The following CALN1 variants were observed in gnomAD, a reference collection of about 807,000 sequenced individuals.
CALN1 encodes calneuron 1.
Under a neutral mutation model 30.6 loss-of-function variants are expected in CALN1, and 17 were observed. The observed-to-expected ratio is 0.56, with a 90% confidence interval of 0.38 to 0.83. The LOEUF is 0.83. Ranked by LOEUF, CALN1 falls within the 40% of genes least tolerant of loss-of-function variation. The probability of loss-of-function intolerance (pLI) is 0.00; values close to 1 mark genes in which losing one functional copy is unlikely to be tolerated. For synonymous variants in CALN1, 156 were observed against 131.4 expected (o/e 1.19, Z -1.28); for missense variants, 291 against 354.9 (o/e 0.82, Z 1.45).
intron 5 of CALN1, among the ~76,000 whole-genome samples, chr7:72,022,311 A>C (rs1035704472): frequency 1.3e-5 from 2 of 152,210 alleles, no homozygotes; most frequent in Non-Finnish European, 2.9e-5. Context: ...TGCTTCAAGG[A>C]GTTACAGTCT....
At chr7:72,320,926 T>C (rs147661522) in intron 2 of CALN1, among the ~76,000 whole-genome samples, 11 of 150,618 alleles carry the variant, frequency 7.3e-5, no homozygotes, top group African/African-American at 2.7e-4. Context: ...CCAAACTCAC[T>C]AGTCCACAGC....
chr7:72,117,540 TC>T (rs2129541973), intron 3 of CALN1, among the ~76,000 whole-genome samples: 1 of 152,228 alleles, frequency 6.6e-6, no homozygotes, highest in South Asian at 2.1e-4. Context: ...GTGTGTGACC[TC>T]CCTTCCCATC....
chr7:71,877,695 A>C (rs1203680114), intron 5 of CALN1, among the ~76,000 whole-genome samples: 1 of 120,494 alleles, frequency 8.3e-6, no homozygotes, highest in African/African-American at 3.5e-5. Flanking sequence ...ATAAACACTT[A>C]ATGTCACAAA....
chr7:72,158,744 T>C (rs1386309256), intron 3 of CALN1, among the ~76,000 whole-genome samples: 1 of 152,214 alleles, frequency 6.6e-6, no homozygotes, highest in Admixed American at 6.5e-5. Flanking sequence ...TTAAGGGTAG[T>C]GGAGCGAGTA....
chr7:72,395,346 T>G (rs1041621704), intron 2 of CALN1, among the ~76,000 whole-genome samples: 3 of 105,544 alleles, frequency 2.8e-5, no homozygotes, highest in Non-Finnish European at 5.8e-5. Flanking sequence ...ACACACACGC[T>G]GCGCACGCGC....
chr7:71,972,479 G>A (rs1018424786), intron 5 of CALN1, among the ~76,000 whole-genome samples: 1 of 152,138 alleles, frequency 6.6e-6, no homozygotes, highest in Non-Finnish European at 1.5e-5. Context: ...CATCTGCTAA[G>A]AGAGCGTGCA....
chr7:72,378,545 A>C (rs1804700022), intron 2 of CALN1, among the ~76,000 whole-genome samples: 1 of 152,136 alleles, frequency 6.6e-6, no homozygotes, highest in South Asian at 2.1e-4. Context: ...CTAGTTAATC[A>C]CTTCAAGTAG....
At chr7:71,858,905 C>T (rs973722088) in intron 5 of CALN1, among the ~76,000 whole-genome samples, 10 of 152,144 alleles carry the variant, frequency 6.6e-5, no homozygotes, top group Admixed American at 4.6e-4. Flanking sequence ...GGCTGTGTCA[C>T]GGGCACGTCC....
At chr7:71,870,735 C>G (rs1268230857) in intron 5 of CALN1, among the ~76,000 whole-genome samples, 1 of 152,136 alleles carries the variant, frequency 6.6e-6, no homozygotes, top group Admixed American at 6.6e-5. Context: ...GAAAATGGAT[C>G]AAGGATGATG....
Position 72,403,402 on chromosome 7 carries a change from T to G in CALN1, c.-33A>C, listed in dbSNP as rs761838664. The G allele has an allele frequency of 9.7e-5, 146 of 1,508,714 alleles. 2 individuals carry two copies. The highest frequency in any genetic ancestry group is 1.5e-5 in the Non-Finnish European group (17 of 1,121,270). The allele number at this position is 1,508,714 out of a possible 1,614,324, so 93.5% of individuals were successfully genotyped here. ...CCAGGGCGATGTTCTCAGAGAGAGTTAGAAGCTCATCAAAGGAACGTCAGC... is the reference window on the plus strand; with the variant it reads ...CCAGGGCGATGTTCTCAGAGAGAGTGAGAAGCTCATCAAAGGAACGTCAGC... On this transcript the variant is annotated 5_prime_UTR_variant, in exon 2 of 7. The change abolishes the stop of an existing upstream ORF in the 5' untranslated region. Transcript: ENST00000395275.
At chr7:71,919,819 T>TGGTAA (rs1794847725) in intron 5 of CALN1, among the ~76,000 whole-genome samples, 1 of 152,160 alleles carries the variant, frequency 6.6e-6, no homozygotes, top group African/African-American at 2.4e-5. Flanking sequence ...TTACCAGTGG[T>TGGTAA]CCGCGAGGAC....
intron 3 of CALN1, among the ~76,000 whole-genome samples, chr7:72,182,978 C>G (rs1337316527): frequency 6.6e-6 from 1 of 152,048 alleles, no homozygotes; most frequent in Non-Finnish European, 1.5e-5. Context: ...TACGTGTGGT[C>G]AACACCAGAA....
At chr7:72,277,905 A>G (rs1181567272) in intron 3 of CALN1, among the ~76,000 whole-genome samples, 1 of 151,794 alleles carries the variant, frequency 6.6e-6, no homozygotes, top group Admixed American at 6.6e-5. Context: ...ATTACAAACA[A>G]CAAAGTATTC....
At chr7:72,300,429 A>T (rs1351958456) in intron 2 of CALN1, among the ~76,000 whole-genome samples, 2 of 151,160 alleles carry the variant, frequency 1.3e-5, no homozygotes, top group African/African-American at 4.9e-5. Flanking sequence ...AAAAAAGATA[A>T]AAACAAGAAA....
At chr7:72,000,661 TAAAAG>T (rs534916253) in intron 5 of CALN1, among the ~76,000 whole-genome samples, 297 of 152,176 alleles carry the variant, frequency 2.0e-3, no homozygotes, top group African/African-American at 6.6e-3. Flanking sequence ...CCCCACAAAA[TAAAAG>T]AAATAGAAAC....
At chr7:72,194,899 C>G (rs1441195728) in intron 3 of CALN1, among the ~76,000 whole-genome samples, 1 of 151,940 alleles carries the variant, frequency 6.6e-6, no homozygotes, top group African/African-American at 2.4e-5. Context: ...TTCCTCCCCT[C>G]TATTCTGTCC....
chr7:71,876,061 T>C (rs1206677211), intron 5 of CALN1, among the ~76,000 whole-genome samples: 1 of 152,134 alleles, frequency 6.6e-6, no homozygotes, highest in Non-Finnish European at 1.5e-5. Context: ...CTCTGCTTCA[T>C]GGTAGGTTAT....
chr7:72,312,776 T>C (rs1414543981), intron 2 of CALN1, among the ~76,000 whole-genome samples: 2 of 151,476 alleles, frequency 1.3e-5, no homozygotes, highest in African/African-American at 4.8e-5. Context: ...ATTTTCCTAT[T>C]GAAAAAAATA....
chr7:72,260,249 A>G (rs1367189296), intron 3 of CALN1, among the ~76,000 whole-genome samples: 5 of 152,184 alleles, frequency 3.3e-5, no homozygotes, highest in Admixed American at 2.6e-4. Context: ...AGTGATAAGA[A>G]TAAGAGAAGT....
Sources: gnomAD v4.1 joint callset for allele counts (sites outside exome capture counted in the v4.1 genomes callset) on GRCh38, gnomAD v4.1.1 for gene constraint, MANE v1.5 for transcripts, NCBI Gene and HGNC (gene_info 2026-07-23, HGNC 2026-07-21) for gene names.